CHCHD6: variants seen among roughly 807,000 people sequenced by gnomAD.
CHCHD6 encodes coiled-coil-helix-coiled-coil-helix domain containing 6, also known as MICOS complex subunit MIC25.
In CHCHD6, 28 loss-of-function variants were observed where a neutral mutation model predicts 32.3. That is an observed-to-expected ratio of 0.87 (90% CI 0.64 to 1.19). The LOEUF (loss-of-function observed/expected upper bound fraction) is 1.19. Ranked by LOEUF, CHCHD6 falls within the 50% of genes most tolerant of loss-of-function variation. CHCHD6 has a pLI of 0.00. For missense variants in CHCHD6, 333 were observed against 307.0 expected, an observed-to-expected ratio of 1.08 and a Z score of -0.63; for synonymous variants, 122 against 117.5, an observed-to-expected ratio of 1.04 and a Z score of -0.25.
chr3:126,927,347 G>A (rs967792243), intron 6 of CHCHD6, among the ~76,000 whole-genome samples: 4 of 152,224 alleles, frequency 2.6e-5, no homozygotes, highest in East Asian at 1.9e-4. Context: ...GTGCCCAAAC[G>A]AGGGGGCACA....
chr3:126,953,934 T>C (rs1413802345), intron 6 of CHCHD6, among the ~76,000 whole-genome samples: 2 of 152,196 alleles, frequency 1.3e-5, no homozygotes, highest in Non-Finnish European at 2.9e-5. Flanking sequence ...AACAGGGTCA[T>C]GGTGTGCCAG....
chr3:126,755,586 T>G (rs1183243268), intron 4 of CHCHD6, among the ~76,000 whole-genome samples: 1 of 152,196 alleles, frequency 6.6e-6, no homozygotes, highest in Non-Finnish European at 1.5e-5. Flanking sequence ...CCCGATTATT[T>G]AGGCCTGACA....
chr3:126,743,302 A>G (rs1936355768), intron 4 of CHCHD6, among the ~76,000 whole-genome samples: 1 of 152,120 alleles, frequency 6.6e-6, no homozygotes, highest in South Asian at 2.1e-4. Context: ...GGGTTTTGCA[A>G]CCTGGGCTTA....
chr3:126,785,277 C>T (rs1291416381), intron 4 of CHCHD6, among the ~76,000 whole-genome samples: 1 of 152,206 alleles, frequency 6.6e-6, no homozygotes, highest in Admixed American at 6.5e-5. Flanking sequence ...AAAACAATCT[C>T]CAGATGTTTC....
In CHCHD6 at chr3:126,893,047, C is replaced by T. The variant is rs538974845; in HGVS notation, c.496-21633C>T. ...GCAGTGGCGCAATCTTGGCTCACTG[C>T]AACGTCCACCACCTGGGTTCAAGTG... On this transcript the variant is annotated intron_variant, in intron 5 of 7. Coordinates refer to ENST00000290913, the MANE Select transcript of CHCHD6 (RefSeq NM_032343.3). Among the ~76,000 whole-genome samples, 16 of 152,214 alleles carry T rather than the reference C, an allele frequency of 1.1e-4. No homozygotes were observed. In the East Asian group the frequency reaches 2.7e-3, roughly 26 times the overall value.
rs1482280397 is a variant in CHCHD6 at position 126,905,187 on chromosome 3, T to A, written c.496-9493T>A. On this transcript the variant is annotated intron_variant, in intron 5 of 7. Coordinates refer to ENST00000290913, the MANE Select transcript of CHCHD6 (RefSeq NM_032343.3). ...GCATTAAGCCATCAAGGTAAAGAAC[T>A]GACTCTGAGCCCAAGCGGGTCCCAG... Among the ~76,000 whole-genome samples the A allele has an allele frequency of 5.9e-5, 9 of 152,274 alleles. No homozygotes were observed. In the South Asian group the frequency reaches 6.2e-4, roughly 11 times the overall value.
chr3:126,889,085 C>G (rs1392637165), intron 5 of CHCHD6, among the ~76,000 whole-genome samples: 1 of 152,168 alleles, frequency 6.6e-6, no homozygotes, highest in Non-Finnish European at 1.5e-5. Context: ...CTGCAGAAAG[C>G]CCCAGGTGGC....
At chr3:126,887,444 T>G (rs1319207244) in intron 5 of CHCHD6, among the ~76,000 whole-genome samples, 1 of 152,194 alleles carries the variant, frequency 6.6e-6, no homozygotes, top group Non-Finnish European at 1.5e-5. Flanking sequence ...CCAATGCATG[T>G]TCTAGAGCTG....
intron 5 of CHCHD6, among the ~76,000 whole-genome samples, chr3:126,910,273 G>GGAAAAAAAAAAAAAACA (rs1553756142): frequency 1.8e-5 from 2 of 111,462 alleles, no homozygotes; most frequent in Middle Eastern, 5.7e-3. Context: ...CCTGCCTCAG[G>GGAAAAAAAAAAAAAACA]AAAAAAAAAA....
chr3:126,802,845 A>G (rs1285840857), intron 4 of CHCHD6, among the ~76,000 whole-genome samples: 3 of 152,258 alleles, frequency 2.0e-5, no homozygotes, highest in Non-Finnish European at 2.9e-5. Flanking sequence ...AGGGAAGCCC[A>G]TCAGACTAAC....
At chr3:126,891,321 T>C (rs1460648603) in intron 5 of CHCHD6, among the ~76,000 whole-genome samples, 2 of 151,906 alleles carry the variant, frequency 1.3e-5, no homozygotes. Flanking sequence ...GGACCCGAGC[T>C]CTGGGAAGAT....
intron 5 of CHCHD6, among the ~76,000 whole-genome samples, chr3:126,884,264 A>G (rs1371724930): frequency 6.6e-6 from 1 of 152,162 alleles, no homozygotes; most frequent in Non-Finnish European, 1.5e-5. Flanking sequence ...TCTCTTTCCT[A>G]TGTAGATTAG....
At chr3:126,759,912 C>T (rs533763957) in intron 4 of CHCHD6, among the ~76,000 whole-genome samples, 10 of 152,114 alleles carry the variant, frequency 6.6e-5, no homozygotes, top group South Asian at 2.1e-4. Flanking sequence ...AGCATCTGCT[C>T]GCTTTTGGAG....
chr3:126,836,851 T>TG (rs749987625), intron 4 of CHCHD6, among the ~76,000 whole-genome samples: 2 of 152,188 alleles, frequency 1.3e-5, no homozygotes, highest in Non-Finnish European at 2.9e-5. Context: ...GACAGTGCGC[T>TG]GAGGATGTCG....
At chr3:126,707,379 A>G (rs1181695422) in intron 1 of CHCHD6, among the ~76,000 whole-genome samples, 2 of 152,230 alleles carry the variant, frequency 1.3e-5, no homozygotes, top group Non-Finnish European at 2.9e-5. Context: ...AAATTTAATG[A>G]ATGCAAAATG....
At chr3:126,791,231 C>A (rs1011548282) in intron 4 of CHCHD6, among the ~76,000 whole-genome samples, 1 of 152,224 alleles carries the variant, frequency 6.6e-6, no homozygotes, top group African/African-American at 2.4e-5. Context: ...CAGTCTGCCC[C>A]TATTGGGGGG....
chr3:126,883,649 G>A (rs1159167597), intron 5 of CHCHD6, among the ~76,000 whole-genome samples: 3 of 152,164 alleles, frequency 2.0e-5, no homozygotes, highest in African/African-American at 7.2e-5. Context: ...TACCAGCCAC[G>A]GCCATCACTG....
At chr3:126,740,505 A>C (rs150281923) in intron 4 of CHCHD6, among the ~76,000 whole-genome samples, 2,699 of 152,304 alleles carry the variant, frequency 0.018, 36 homozygotes, top group South Asian at 0.032. Flanking sequence ...ACCCCAAAGA[A>C]AATGAAAAGG....
At chr3:126,779,125 A>G (rs1340029124) in intron 4 of CHCHD6, among the ~76,000 whole-genome samples, 2 of 152,112 alleles carry the variant, frequency 1.3e-5, no homozygotes, top group African/African-American at 4.8e-5. Context: ...TTGGGATTAT[A>G]GGCATGAACC....
Sources: gnomAD v4.1 joint callset for allele counts (sites outside exome capture counted in the v4.1 genomes callset) on GRCh38, gnomAD v4.1.1 for gene constraint, MANE v1.5 for transcripts, NCBI Gene and HGNC (gene_info 2026-07-23, HGNC 2026-07-21) for gene names.